MAK16: variants seen among roughly 807,000 people sequenced by gnomAD.
The protein encoded by MAK16 is protein MAK16 homolog.
In MAK16, 12 loss-of-function variants were observed where a neutral mutation model predicts 49.9. The ratio of observed to expected loss-of-function variants is 0.24; its 90% confidence interval spans 0.15 to 0.39. The LOEUF (loss-of-function observed/expected upper bound fraction) is 0.39. Among genes scored for constraint, MAK16 ranks in the 10% least tolerant of loss-of-function variants. MAK16 has a pLI of 1.00. For synonymous variants in MAK16, 115 were observed against 126.4 expected, an observed-to-expected ratio of 0.91 and a Z score of 0.60; for missense variants, 292 against 363.7, an observed-to-expected ratio of 0.80 and a Z score of 1.60.
intron 6 of MAK16, among the ~76,000 whole-genome samples, chr8:33,494,756 A>G (rs1040567053): frequency 1.3e-5 from 2 of 152,114 alleles, no homozygotes; most frequent in Admixed American, 1.3e-4. Flanking sequence ...ACCCCACTCT[A>G]GAGAACAACA....
chr8:33,498,689 T>C lies in MAK16; in HGVS notation c.*60T>C, dbSNP rs1808938926. The C allele has an allele frequency of 2.8e-6, 4 of 1,410,222 alleles. No homozygotes were observed. The highest frequency in any genetic ancestry group is 4.3e-5 in the Admixed American group (2 of 46,972). 87.4% of individuals were successfully genotyped at this position (1,410,222 alleles called of 1,614,324 possible). On this transcript the variant is annotated 3_prime_UTR_variant, in exon 10 of 10. Transcript: ENST00000360128. The stretch of plus-strand genomic sequence containing the variant: ...TGCAGAACTGTTTTTTTTTTTTTTT[T>C]ATCTTAAACACATACACACCTCCAG...
At chr8:33,485,521 G>C in intron 1 of MAK16, 1 of 411,438 alleles carries the variant, frequency 2.4e-6, no homozygotes, top group South Asian at 3.2e-5. Flanking sequence ...GCTGTCAGCT[G>C]TCAGCTCCGG....
chr8:33,493,809 T>G (rs1303547844), intron 6 of MAK16, among the ~76,000 whole-genome samples: 1 of 152,218 alleles, frequency 6.6e-6, no homozygotes, highest in Non-Finnish European at 1.5e-5. Flanking sequence ...TACAATATTC[T>G]GTTTCCACAT....
intron 9 of MAK16, 131 bp downstream of exon 9, chr8:33,497,428 G>T (rs1222503194): frequency 6.3e-6 from 4 of 639,568 alleles, no homozygotes; most frequent in Non-Finnish European, 8.3e-6. Context: ...AAAATGGGAG[G>T]ATTGTTTGAG....
At chr8:33,498,327 G>A in intron 9 of MAK16, 105 bp from the exon 10 acceptor site, 1 of 846,984 alleles carries the variant, frequency 1.2e-6, no homozygotes. Flanking sequence ...CACAGACATA[G>A]ACAAATCAAT....
At chr8:33,495,497 A>T in intron 6 of MAK16, 45 bp from the exon 7 acceptor site, 1 of 1,489,128 alleles carries the variant, frequency 6.7e-7, no homozygotes, top group Non-Finnish European at 9.3e-7. Flanking sequence ...AAGATGAGTA[A>T]TGAGCACTGA....
chr8:33,491,657 A>G (rs1293343525), intron 6 of MAK16, among the ~76,000 whole-genome samples: 2 of 127,040 alleles, frequency 1.6e-5, no homozygotes, highest in Non-Finnish European at 3.2e-5. Flanking sequence ...TTTTTGAGAC[A>G]AGGTCTCACT....
At chr8:33,494,758 A>T (rs1808830091) in intron 6 of MAK16, among the ~76,000 whole-genome samples, 1 of 152,132 alleles carries the variant, frequency 6.6e-6, no homozygotes, top group South Asian at 2.1e-4. Context: ...CCCACTCTAG[A>T]GAACAACATG....
rs1341437473 is a variant in MAK16 at position 33,499,228 on chromosome 8, T to C, written c.*599T>C. ...AACCTGCTGCACTTTTCTGATATAG[T>C]TCACCACTTTTCTGTCTTCACAGCT... On this transcript the variant is annotated 3_prime_UTR_variant, in exon 10 of 10. Transcript: ENST00000360128. 1.2e-6 allele frequency: 2 copies of C among 1,614,150 alleles called. No individual in the cohort carries two copies. Among genetic ancestry groups the C allele is most frequent in the Admixed American group, 1.7e-5 (1 of 60,020 alleles).
intron 8 of MAK16, 100 bp downstream of exon 8, chr8:33,496,841 C>G (rs890960160): frequency 1.2e-6 from 1 of 859,208 alleles, no homozygotes; most frequent in African/African-American, 1.7e-5. Flanking sequence ...AATGATATGT[C>G]TTCTTTTTTC....
rs373735175 is a variant in MAK16, at chr8:33,497,706, C to G, written c.705+409C>G. Among the ~76,000 whole-genome samples the G allele has an allele frequency of 7.6e-4, 114 of 150,270 alleles. 1 individual carries two copies. Among genetic ancestry groups the G allele is most frequent in the African/African-American group, 2.7e-3 (112 of 41,114 alleles). ...ACGGGGTTTCACCATGTTGGCCAGG[C>G]TGGTCTAGAACTCCAGACCTCTGGT... is the stretch of plus-strand genomic sequence containing the variant. On this transcript the variant is annotated intron_variant, in intron 9 of 9. Transcript: ENST00000360128.
intron 8 of MAK16, 89 bp from the exon 9 acceptor site, chr8:33,497,143 T>C (rs1322509620): frequency 1.0e-6 from 1 of 967,424 alleles, no homozygotes; most frequent in Admixed American, 2.1e-5. Flanking sequence ...AAGACTGTGG[T>C]TCTCATTATG....
In MAK16 at chr8:33,500,405, A is replaced by G; in HGVS notation, c.*1776A>G. On this transcript the variant is annotated 3_prime_UTR_variant, in exon 10 of 10. Coordinates refer to ENST00000360128, the MANE Select transcript of MAK16 (RefSeq NM_032509.4). ...TCCTGTAGCAGGGCGCTCTTAACAG[A>G]CTCAGGTGTAAGGTTTGGATCCCTT... 2 of 1,614,072 alleles carry G rather than the reference A, an allele frequency of 1.2e-6. No individual in the cohort carries two copies. Among genetic ancestry groups the G allele is most frequent in the Non-Finnish European group, 1.7e-6 (2 of 1,180,000 alleles).
Position 33,496,641 on chromosome 8 carries a change from A to G in MAK16, c.539A>G (p.Asn180Ser), listed in dbSNP as rs1808862236. The G allele has an allele frequency of 6.2e-7, 1 of 1,613,186 alleles. No homozygotes were observed. Among genetic ancestry groups the G allele is most frequent in the Admixed American group, 1.7e-5 (1 of 59,888 alleles). The change falls in exon 8 of 10, where the codon AAC becomes AGC. Residue 180 changes from asparagine to serine, a missense_variant. Transcript: ENST00000360128. ...LKQDTYGDIY[N>S]FPIHAFDKAL... ...GTTCTTCAGTATGGCGACATCTACAACTTCCCCATTCATGCCTTCGACAAA... is the reference window on the plus strand; with the variant it reads ...GTTCTTCAGTATGGCGACATCTACAGCTTCCCCATTCATGCCTTCGACAAA...
rs1809013241 is a variant in MAK16 at position 33,500,141 on chromosome 8, A to G, written c.*1512A>G. On this transcript the variant is annotated 3_prime_UTR_variant, in exon 10 of 10. Transcript: ENST00000360128. ...CCTTTAGTTCTAAATGGTTCTGAAT[A>G]GCTTTAAAAGATGAATAAGAAAAAA... The G allele has an allele frequency of 6.4e-6, 4 of 622,796 alleles. No individual in the cohort carries two copies. In the East Asian group the frequency reaches 1.2e-4, roughly 18 times the overall value. 38.6% of individuals were successfully genotyped at this position (622,796 alleles called of 1,614,324 possible). A position where few individuals can be genotyped will look rare whatever the true frequency, so the allele number is the denominator to read the frequency against.
At position 33,500,235 on chromosome 8, in the gene MAK16, T is replaced by C; in HGVS notation, c.*1606T>C. On this transcript the variant is annotated 3_prime_UTR_variant, in exon 10 of 10. Coordinates refer to ENST00000360128, the MANE Select transcript of MAK16 (RefSeq NM_032509.4). The stretch of plus-strand genomic sequence containing the variant: ...AACCCTCCATGTTCATTTCCAGACT[T>C]GGTCAGGCACATACATAGTAAATTA... The C allele has an allele frequency of 6.8e-7, 1 of 1,460,198 alleles. No homozygotes were observed. The highest frequency in any genetic ancestry group is 9.5e-7 in the Non-Finnish European group (1 of 1,053,462). 90.5% of individuals were successfully genotyped at this position (1,460,198 alleles called of 1,614,324 possible). A position where few individuals can be genotyped will look rare whatever the true frequency, so the allele number is the denominator to read the frequency against.
intron 7 of MAK16, among the ~76,000 whole-genome samples, chr8:33,496,007 C>T (rs1404371243): frequency 1.3e-5 from 2 of 152,040 alleles, no homozygotes; most frequent in Non-Finnish European, 2.9e-5. Flanking sequence ...GATCTCCACT[C>T]GAATTTTATC....
In MAK16 at chr8:33,496,717, A is replaced by G. The variant is rs1563347807; in HGVS notation, c.615A>G (p.Lys205=). Residue 205 remains lysine (K), a synonymous_variant, in exon 8 of 10, where the codon AAA becomes AAG. Transcript: ENST00000360128. ...GTGACTCTTCAGATACTGAGGAAAA[A>G]GATGATGATGATGATGATGAGGAAG... The part of the protein sequence containing the change: ...AESDSSDTEE[K]DDDDDDEEDV... 6.2e-7 allele frequency: 1 copy of G among 1,610,470 alleles called. No homozygotes were observed. The highest frequency in any genetic ancestry group is 1.7e-5 in the Admixed American group (1 of 59,650).
At position 33,498,768 on chromosome 8, in the gene MAK16, G is replaced by A. The variant is rs1808944383; in HGVS notation, c.*139G>A. On this transcript the variant is annotated 3_prime_UTR_variant, in exon 10 of 10. Transcript: ENST00000360128. ...CAATATTTGTGTTTTTATTATTTAT[G>A]CCACGTCAGTGGGGCAAGAAATCTG... 5.2e-6 allele frequency: 4 copies of A among 765,520 alleles called. No homozygotes were observed. The highest frequency in any genetic ancestry group is 8.3e-6 in the Non-Finnish European group (4 of 483,150). 47.4% of individuals were successfully genotyped at this position (765,520 alleles called of 1,614,324 possible). A position where few individuals can be genotyped will look rare whatever the true frequency, so the allele number is the denominator to read the frequency against.
Sources: allele counts gnomAD v4.1 joint callset (sites outside exome capture counted in the v4.1 genomes callset), GRCh38; gene constraint gnomAD v4.1.1; transcripts MANE v1.5; gene names NCBI Gene and HGNC (gene_info 2026-07-23, HGNC 2026-07-21).